CADPS2: variants seen among roughly 807,000 people sequenced by gnomAD.
The protein encoded by CADPS2 is calcium-dependent secretion activator 2.
Under a neutral mutation model 172.5 loss-of-function variants are expected in CADPS2, and 93 were observed. The observed-to-expected ratio is 0.54, with a 90% CI of 0.46 to 0.64. The LOEUF (loss-of-function observed/expected upper bound fraction) is 0.64, where lower values mean the gene tolerates loss of function less well. Ranked by LOEUF, CADPS2 falls within the 30% of genes least tolerant of loss-of-function variation. The pLI, the probability that CADPS2 is intolerant of heterozygous loss-of-function variation, is 0.00. For synonymous variants in CADPS2, 546 were observed against 555.2 expected (o/e 0.98, Z 0.23); for missense variants, 1,420 against 1,565.9 (o/e 0.91, Z 1.57).
intron 7 of CADPS2, among the ~76,000 whole-genome samples, chr7:122,556,152 G>C (rs2065003583): frequency 6.6e-6 from 1 of 151,938 alleles, no homozygotes; most frequent in Non-Finnish European, 1.5e-5. Context: ...TCATACTCTA[G>C]AATTCATTTT....
intron 8 of CADPS2, among the ~76,000 whole-genome samples, chr7:122,529,873 A>T (rs138216060): frequency 0.017 from 2,538 of 152,208 alleles, 36 homozygotes; most frequent in Non-Finnish European, 0.026. Context: ...AGTTAACAAG[A>T]ATTGCACTAT....
chr7:122,660,938 A>G (rs946110940), intron 3 of CADPS2, among the ~76,000 whole-genome samples: 3 of 152,046 alleles, frequency 2.0e-5, no homozygotes, highest in South Asian at 2.1e-4. Flanking sequence ...TCAAGACCCA[A>G]TTGCACACTG....
intron 9 of CADPS2, among the ~76,000 whole-genome samples, chr7:122,495,036 A>G (rs1563505648): frequency 1.3e-5 from 2 of 152,086 alleles, no homozygotes; most frequent in Non-Finnish European, 2.9e-5. Context: ...ATTTGTTCTA[A>G]AAAGAAGTCC....
In CADPS2 at chr7:122,629,285, A is replaced by C; in HGVS notation, c.830T>G (p.Leu277Arg). ...DEQAAQIRRE[L>R]DGRLQLADKM... ...ATCTGCCAATTGCAGCCGGCCATCA[A>C]GTTCCCTTCTGATCTGGGCTGCTTG... The change falls in exon 4 of 30, where the codon CTT (leucine) becomes CGT (arginine). Residue 277 changes from leucine (L) to arginine (R), a missense_variant. Transcript: ENST00000449022. 6.2e-7 allele frequency: 1 copy of C among 1,610,710 alleles called. No homozygotes were observed. The highest frequency in any genetic ancestry group is 8.5e-7 in the Non-Finnish European group (1 of 1,178,322).
intron 2 of CADPS2, among the ~76,000 whole-genome samples, chr7:122,664,801 T>A (rs1386702976): frequency 6.6e-6 from 1 of 152,090 alleles, no homozygotes; most frequent in Admixed American, 6.6e-5. Context: ...TTTCTTTTTT[T>A]TGAAACAGGG....
intron 3 of CADPS2, among the ~76,000 whole-genome samples, chr7:122,634,678 T>A (rs2076893122): frequency 6.6e-6 from 1 of 152,150 alleles, no homozygotes; most frequent in Non-Finnish European, 1.5e-5. Flanking sequence ...TCTTTGCTGA[T>A]TTTAGTTATT....
At chr7:122,826,007 C>T (rs1804773074) in intron 1 of CADPS2, among the ~76,000 whole-genome samples, 1 of 152,160 alleles carries the variant, frequency 6.6e-6, no homozygotes, top group African/African-American at 2.4e-5. Context: ...GTAACAAGAT[C>T]CTACCACCTC....
intron 2 of CADPS2, chr7:122,701,755 A>T (rs1263482904): frequency 1.0e-6 from 1 of 997,656 alleles, no homozygotes; most frequent in Non-Finnish European, 1.5e-6. Flanking sequence ...CTCTCTACAT[A>T]AAGTACAATA....
chr7:122,486,562 T>C (rs895931047), intron 11 of CADPS2, among the ~76,000 whole-genome samples: 1 of 152,162 alleles, frequency 6.6e-6, no homozygotes, highest in African/African-American at 2.4e-5. Flanking sequence ...AGAAAGTGAT[T>C]TTTGAGATGG....
chr7:122,823,591 C>G (rs1193698829), intron 1 of CADPS2, among the ~76,000 whole-genome samples: 1 of 152,120 alleles, frequency 6.6e-6, no homozygotes, highest in African/African-American at 2.4e-5. Context: ...TTCTAACAAT[C>G]TTTAGTAAAG....
At chr7:122,490,014 T>G in intron 11 of CADPS2, 67 bp downstream of exon 11, 1 of 1,341,722 alleles carries the variant, frequency 7.5e-7, no homozygotes, top group African/African-American at 1.5e-5. Flanking sequence ...CTGAATACAT[T>G]TGCCTCAATT....
intron 2 of CADPS2, among the ~76,000 whole-genome samples, chr7:122,701,330 T>C (rs1263998991): frequency 2.0e-5 from 3 of 152,072 alleles, no homozygotes; most frequent in Admixed American, 1.3e-4. Flanking sequence ...CTCAGCGAAC[T>C]ATCGCAAGGA....
At chr7:122,555,955 G>C (rs1284025775) in intron 7 of CADPS2, among the ~76,000 whole-genome samples, 3 of 151,940 alleles carry the variant, frequency 2.0e-5, no homozygotes, top group Non-Finnish European at 4.4e-5. Flanking sequence ...AGACAACACA[G>C]TCATAAAAGC....
At chr7:122,867,564 A>C (rs1351708614) in intron 1 of CADPS2, among the ~76,000 whole-genome samples, 1 of 152,150 alleles carries the variant, frequency 6.6e-6, no homozygotes, top group African/African-American at 2.4e-5. Flanking sequence ...TTAAATCACC[A>C]TGCCTGAGGA....
chr7:122,791,476 A>G (rs1485318075), intron 1 of CADPS2, among the ~76,000 whole-genome samples: 1 of 152,162 alleles, frequency 6.6e-6, no homozygotes, highest in African/African-American at 2.4e-5. Flanking sequence ...AAGAAAGTCA[A>G]GCATACTGAA....
chr7:122,474,124 T>C (rs768752018), intron 13 of CADPS2, among the ~76,000 whole-genome samples: 2 of 152,132 alleles, frequency 1.3e-5, no homozygotes, highest in African/African-American at 2.4e-5. Flanking sequence ...TACACCACAG[T>C]TTAGCATCTA....
chr7:122,385,704 C>T (rs2043566958), intron 24 of CADPS2, among the ~76,000 whole-genome samples: 1 of 152,020 alleles, frequency 6.6e-6, no homozygotes, highest in African/African-American at 2.4e-5. Flanking sequence ...CACAGGCCTG[C>T]CTCTTCCTTA....
chr7:122,608,175 C>T (rs2073832297), intron 6 of CADPS2, among the ~76,000 whole-genome samples: 1 of 149,242 alleles, frequency 6.7e-6, no homozygotes. Flanking sequence ...GTGAGTGCAC[C>T]ATTGCACTCC....
chr7:122,569,468 A>T, intron 7 of CADPS2, among the ~76,000 whole-genome samples: 1 of 151,532 alleles, frequency 6.6e-6, no homozygotes. Flanking sequence ...AAGGTAATTT[A>T]TAGATTCAAT....
Sources: gnomAD v4.1 joint callset for allele counts (sites outside exome capture counted in the v4.1 genomes callset) on GRCh38, gnomAD v4.1.1 for gene constraint, MANE v1.5 for transcripts, NCBI Gene and HGNC (gene_info 2026-07-23, HGNC 2026-07-21) for gene names.